Variants in ELP4 observed in about 807,000 individuals in gnomAD.
The protein encoded by ELP4 is elongator acetyltransferase complex subunit 4.
In ELP4, 51 loss-of-function variants were observed where a neutral mutation model predicts 48.9. The ratio of observed to expected loss-of-function variants is 1.04; its 90% CI spans 0.83 to 1.32. The LOEUF is 1.32. ELP4 is among the 40% of genes most tolerant of loss of function. The probability of loss-of-function intolerance (pLI) is 0.00; values close to 1 mark genes in which losing one functional copy is unlikely to be tolerated. For synonymous variants in ELP4, 210 were observed against 189.2 expected (o/e 1.11, Z -0.90); for missense variants, 519 against 514.6 (o/e 1.01, Z -0.08).
At chr11:31,678,820 A>G (rs1462213839) in intron 9 of ELP4, among the ~76,000 whole-genome samples, 1 of 152,176 alleles carries the variant, frequency 6.6e-6, no homozygotes, top group Non-Finnish European at 1.5e-5. Context: ...TTCATTTTGC[A>G]AGAAACTGGC....
intron 2 of ELP4, among the ~76,000 whole-genome samples, chr11:31,527,806 C>G (rs867266417): frequency 6.6e-6 from 1 of 152,038 alleles, no homozygotes; most frequent in South Asian, 2.1e-4. Context: ...TTCTGTGCTC[C>G]TTGTTGATCT....
intron 9 of ELP4, among the ~76,000 whole-genome samples, chr11:31,766,725 A>C (rs1948049956): frequency 6.6e-6 from 1 of 152,090 alleles, no homozygotes; most frequent in African/African-American, 2.4e-5. Context: ...TAAATATATA[A>C]TTGAAGATGC....
chr11:31,700,707 T>C (rs914904884), intron 9 of ELP4, among the ~76,000 whole-genome samples: 1 of 152,092 alleles, frequency 6.6e-6, no homozygotes, highest in African/African-American at 2.4e-5. Flanking sequence ...TTTTGGGAGT[T>C]GATTCAGGAA....
intron 6 of ELP4, among the ~76,000 whole-genome samples, chr11:31,630,508 T>C (rs1944840323): frequency 6.6e-6 from 1 of 151,964 alleles, no homozygotes; most frequent in South Asian, 2.1e-4. Context: ...TTTGTATTTT[T>C]AGTAGAGACA....
chr11:31,616,615 TAATC>T (rs752892513), intron 5 of ELP4, among the ~76,000 whole-genome samples: 8 of 152,192 alleles, frequency 5.3e-5, no homozygotes, highest in South Asian at 2.1e-4. Context: ...TGAAAGGACT[TAATC>T]AACAGTGAAA....
intron 9 of ELP4, among the ~76,000 whole-genome samples, chr11:31,694,759 C>A (rs546990379): frequency 4.6e-5 from 7 of 152,282 alleles, no homozygotes; most frequent in African/African-American, 1.7e-4. Context: ...GCAGTACGGC[C>A]ATTTTCACGA....
intron 5 of ELP4, among the ~76,000 whole-genome samples, chr11:31,621,306 A>G (rs767790608): frequency 6.6e-6 from 1 of 151,988 alleles, no homozygotes; most frequent in Non-Finnish European, 1.5e-5. Flanking sequence ...GGGAGTGATA[A>G]CAGCTTCTCG....
At chr11:31,548,101 A>G (rs912796042) in intron 3 of ELP4, among the ~76,000 whole-genome samples, 8 of 151,900 alleles carry the variant, frequency 5.3e-5, no homozygotes, top group East Asian at 1.9e-4. Context: ...CTCTCTCACC[A>G]CTCCTATTCA....
At chr11:31,594,653 A>G (rs919666377) in intron 3 of ELP4, 117 bp from the exon 4 acceptor site, 13 of 554,232 alleles carry the variant, frequency 2.3e-5, no homozygotes, top group Non-Finnish European at 3.9e-5. Flanking sequence ...ATTTAAATCA[A>G]TGTTAGTCAT....
At chr11:31,744,375 C>G (rs377762596) in intron 9 of ELP4, among the ~76,000 whole-genome samples, 1 of 152,098 alleles carries the variant, frequency 6.6e-6, no homozygotes, top group African/African-American at 2.4e-5. Flanking sequence ...AGAGAGAATC[C>G]TCCCTAACTC....
chr11:31,518,189 C>T (rs1956152264), intron 1 of ELP4, among the ~76,000 whole-genome samples: 1 of 151,664 alleles, frequency 6.6e-6, no homozygotes, highest in Non-Finnish European at 1.5e-5. Context: ...TCAGTGCGAC[C>T]TCCACCTTCC....
At chr11:31,691,602 G>A (rs1946283023) in intron 9 of ELP4, among the ~76,000 whole-genome samples, 1 of 151,826 alleles carries the variant, frequency 6.6e-6, no homozygotes, top group African/African-American at 2.4e-5. Flanking sequence ...AATAATCCAT[G>A]GTAAATTTAG....
Position 31,550,149 on chromosome 11 carries a change from A to G in ELP4, c.381+10366A>G, listed in dbSNP as rs868280496. ...AGTATAATAATAAAAAAAAAATAAA[A>G]AATAATGCCAAATGAATATTTGGAT... On this transcript the variant is annotated intron_variant, in intron 3 of 9. Coordinates refer to ENST00000640961, the MANE Select transcript of ELP4 (RefSeq NM_019040.5). Among the ~76,000 whole-genome samples, 3 of 152,290 alleles carry G rather than the reference A, an allele frequency of 2.0e-5. No individual in the cohort carries two copies. The Middle Eastern group carries it at 0.01, about 518-fold the overall frequency.
At chr11:31,652,885 G>GTC (rs1036336848) in intron 9 of ELP4, 1 of 151,656 alleles carries the variant, frequency 6.6e-6, no homozygotes, top group Non-Finnish European at 1.5e-5. Context: ...GGCAAAAGAA[G>GTC]CAGACAAGCA....
At chr11:31,548,766 T>C (rs1215616375) in intron 3 of ELP4, among the ~76,000 whole-genome samples, 4 of 152,184 alleles carry the variant, frequency 2.6e-5, no homozygotes, top group Non-Finnish European at 4.4e-5. Context: ...CAAAACAGCA[T>C]GGTACTGGTA....
chr11:31,595,011 T>G, intron 4 of ELP4, 110 bp downstream of exon 4: 1 of 856,096 alleles, frequency 1.2e-6, no homozygotes, highest in Non-Finnish European at 1.7e-6. Flanking sequence ...AAGAATTAGC[T>G]GTTTCATTTG....
At chr11:31,679,323 C>T (rs1464123071) in intron 9 of ELP4, among the ~76,000 whole-genome samples, 2 of 152,092 alleles carry the variant, frequency 1.3e-5, no homozygotes, top group African/African-American at 2.4e-5. Flanking sequence ...ATCTTGAAGT[C>T]GGGCAGTATA....
intron 3 of ELP4, among the ~76,000 whole-genome samples, chr11:31,562,518 T>C (rs1481487962): frequency 6.6e-6 from 1 of 152,160 alleles, no homozygotes; most frequent in African/African-American, 2.4e-5. Context: ...ATTTTCAGAT[T>C]CATGTAATTG....
At chr11:31,601,933 C>T (rs1374394421) in intron 4 of ELP4, among the ~76,000 whole-genome samples, 1 of 152,052 alleles carries the variant, frequency 6.6e-6, no homozygotes, top group East Asian at 1.9e-4. Flanking sequence ...TTTGTAGGCA[C>T]TCTGCTTATT....
Sources: gnomAD v4.1 joint callset for allele counts (sites outside exome capture counted in the v4.1 genomes callset) on GRCh38, gnomAD v4.1.1 for gene constraint, MANE v1.5 for transcripts, NCBI Gene and HGNC (gene_info 2026-07-23, HGNC 2026-07-21) for gene names.